MACROD2: variants seen among roughly 807,000 people sequenced by gnomAD.
The protein encoded by MACROD2 is mono-ADP ribosylhydrolase 2, also known as ADP-ribose glycohydrolase MACROD2.
In MACROD2, 36 loss-of-function variants were observed where a neutral mutation model predicts 70.4. That is an observed-to-expected ratio of 0.51 (90% CI 0.39 to 0.68). The LOEUF is 0.68. Ranked by LOEUF, MACROD2 falls within the 30% of genes least tolerant of loss-of-function variation. MACROD2 has a pLI of 0.00. For synonymous variants in MACROD2, 172 were observed against 178.8 expected, an observed-to-expected ratio of 0.96 and a Z score of 0.30; for missense variants, 496 against 538.4, an observed-to-expected ratio of 0.92 and a Z score of 0.78.
chr20:15,160,635 A>G (rs745911753), intron 5 of MACROD2, among the ~76,000 whole-genome samples: 5 of 152,060 alleles, frequency 3.3e-5, no homozygotes, highest in Non-Finnish European at 7.4e-5. Context: ...TTCCACCCAT[A>G]TCCTCTCCCC....
chr20:15,934,522 T>C (rs557808814), intron 11 of MACROD2, among the ~76,000 whole-genome samples: 1 of 152,034 alleles, frequency 6.6e-6, no homozygotes, highest in South Asian at 2.1e-4. Context: ...CACATTCTGC[T>C]CCATAGCAGA....
chr20:15,466,232 C>G (rs2046886198), intron 7 of MACROD2, among the ~76,000 whole-genome samples: 1 of 152,194 alleles, frequency 6.6e-6, no homozygotes, highest in East Asian at 1.9e-4. Flanking sequence ...TTCTTTCATT[C>G]ATTCCATAAC....
At chr20:15,536,567 A>G (rs538926259) in intron 8 of MACROD2, among the ~76,000 whole-genome samples, 1 of 152,358 alleles carries the variant, frequency 6.6e-6, no homozygotes, top group African/African-American at 2.4e-5. Context: ...GTTATAAAGA[A>G]TGCAGTGACC....
chr20:14,996,030 G>T (rs1793339672), intron 5 of MACROD2, among the ~76,000 whole-genome samples: 1 of 152,192 alleles, frequency 6.6e-6, no homozygotes, highest in Admixed American at 6.5e-5. Context: ...TAGATTCAGT[G>T]CAATAAAGAT....
intron 8 of MACROD2, among the ~76,000 whole-genome samples, chr20:15,657,157 A>G (rs1375750478): frequency 2.0e-5 from 3 of 152,234 alleles, no homozygotes; most frequent in African/African-American, 4.8e-5. Context: ...GAATGGCCAC[A>G]TGGAAAATTT....
At chr20:15,851,263 G>A (rs570789118) in intron 8 of MACROD2, among the ~76,000 whole-genome samples, 16 of 151,818 alleles carry the variant, frequency 1.1e-4, no homozygotes, top group African/African-American at 3.6e-4. Context: ...GGCTTCGGCT[G>A]ATCCCAACAG....
intron 6 of MACROD2, among the ~76,000 whole-genome samples, chr20:15,361,199 A>T (rs561839502): frequency 3.0e-4 from 45 of 152,308 alleles, no homozygotes; most frequent in African/African-American, 1.1e-3. Context: ...TATATTTTAT[A>T]CTTAAATCTA....
chr20:14,780,996 A>G (rs1256209614), intron 5 of MACROD2, among the ~76,000 whole-genome samples: 1 of 152,198 alleles, frequency 6.6e-6, no homozygotes, highest in African/African-American at 2.4e-5. Context: ...GAATGATCAA[A>G]TCACAGAACT....
intron 4 of MACROD2, among the ~76,000 whole-genome samples, chr20:14,565,827 ATCTGGGCCCC>A: frequency 6.6e-6 from 1 of 151,824 alleles, no homozygotes; most frequent in Non-Finnish European, 1.5e-5. Context: ...GCAGTGTATC[ATCTGGGCCCC>A]TCCTCTTCCA....
At chr20:14,701,585 G>T (rs1387643880) in intron 5 of MACROD2, among the ~76,000 whole-genome samples, 1 of 152,130 alleles carries the variant, frequency 6.6e-6, no homozygotes, top group Admixed American at 6.5e-5. Context: ...TAACTTATTA[G>T]TTAAATGAAT....
At chr20:14,281,219 A>G (rs1362031414) in intron 3 of MACROD2, among the ~76,000 whole-genome samples, 2 of 152,228 alleles carry the variant, frequency 1.3e-5, no homozygotes, top group East Asian at 3.8e-4. Context: ...CAATATATCC[A>G]TACAATGGAA....
chr20:15,779,004 A>G (rs1483936601), intron 8 of MACROD2, among the ~76,000 whole-genome samples: 1 of 152,140 alleles, frequency 6.6e-6, no homozygotes, highest in African/African-American at 2.4e-5. Flanking sequence ...AACAACAGAG[A>G]GGGATTGGAG....
chr20:14,773,463 C>A lies in MACROD2; in HGVS notation c.418+88504C>A, dbSNP rs758430457. 4.1e-4 allele frequency among the ~76,000 whole-genome samples: 63 copies of A among 152,032 alleles called. 1 individual carries two copies. The highest frequency in any genetic ancestry group is 1.5e-3 in the African/African-American group (63 of 41,368). On this transcript the variant is annotated intron_variant, in intron 5 of 17. Transcript: ENST00000684519. ...TTTAGACTTCACATATAAATGAAAT[C>A]ATATATTTGTCTTTCTCTGTCTAAT...
chr20:15,043,916 A>ATGGGGCATGGG (rs758271451), intron 5 of MACROD2, among the ~76,000 whole-genome samples: 3 of 152,232 alleles, frequency 2.0e-5, no homozygotes, highest in Non-Finnish European at 4.4e-5. Context: ...TGCATGGGGC[A>ATGGGGCATGGG]GAAAGAGGCA....
intron 5 of MACROD2, among the ~76,000 whole-genome samples, chr20:15,128,331 G>A (rs2076081364): frequency 1.3e-5 from 2 of 152,152 alleles, no homozygotes; most frequent in South Asian, 4.1e-4. Context: ...TAGAAAATGT[G>A]TCCCTTCCAA....
chr20:15,265,762 T>C (rs1232393426), intron 6 of MACROD2, among the ~76,000 whole-genome samples: 3 of 152,222 alleles, frequency 2.0e-5, no homozygotes, highest in Admixed American at 6.5e-5. Flanking sequence ...GATATTGCTC[T>C]GTTTTGAATT....
rs139237186 is a variant in MACROD2 at position 15,772,933 on chromosome 20, C to T, written c.646-89812C>T. Reference sequence around the variant, plus strand: ...CAGATCTTGTGAGAACTCACTATGACGAGGAGAGCACATCACCTCCCTCTT... The same window carrying T: ...CAGATCTTGTGAGAACTCACTATGATGAGGAGAGCACATCACCTCCCTCTT... On this transcript the variant is annotated intron_variant, in intron 8 of 17. Transcript: ENST00000684519. Among the ~76,000 whole-genome samples, 27 of 152,040 alleles carry T rather than the reference C, an allele frequency of 1.8e-4. No individual in the cohort carries two copies. The East Asian group carries it at 2.1e-3, about 12-fold the overall frequency.
intron 8 of MACROD2, among the ~76,000 whole-genome samples, chr20:15,815,012 A>G (rs1055609863): frequency 6.6e-6 from 1 of 152,234 alleles, no homozygotes; most frequent in Non-Finnish European, 1.5e-5. Context: ...ACCTGCTTAC[A>G]CAGGTATTTC....
chr20:15,925,672 A>G (rs6135603), intron 10 of MACROD2, among the ~76,000 whole-genome samples: 6,112 of 152,250 alleles, frequency 0.04, 282 homozygotes, highest in East Asian at 0.24. Context: ...TCTGCTTACC[A>G]TTACACAACA....
Sources: gnomAD v4.1 joint callset for allele counts (sites outside exome capture counted in the v4.1 genomes callset) on GRCh38, gnomAD v4.1.1 for gene constraint, MANE v1.5 for transcripts, NCBI Gene and HGNC (gene_info 2026-07-23, HGNC 2026-07-21) for gene names.